SAMD12: variants seen among roughly 807,000 people sequenced by gnomAD.
SAMD12 encodes sterile alpha motif domain-containing protein 12.
SAMD12 carries 9 observed loss-of-function variants against 15.0 expected under a neutral mutation model. The observed-to-expected ratio is 0.60, with a 90% CI of 0.36 to 1.05. SAMD12 has a LOEUF of 1.05. Among genes scored for constraint, SAMD12 ranks in the 50% least tolerant of loss-of-function variants. The pLI is 0.01. For missense variants in SAMD12, 230 were observed against 234.2 expected, an observed-to-expected ratio of 0.98 and a Z score of 0.12; for synonymous variants, 86 against 90.1, an observed-to-expected ratio of 0.96 and a Z score of 0.25.
chr8:118,401,001 T>C (rs760178484), intron 3 of SAMD12, among the ~76,000 whole-genome samples: 1 of 152,248 alleles, frequency 6.6e-6, no homozygotes, highest in African/African-American at 2.4e-5. Context: ...CAGTGAAGAA[T>C]AGCTTCAAAA....
chr8:118,391,528 T>C (rs1820275056), intron 3 of SAMD12, among the ~76,000 whole-genome samples: 1 of 152,162 alleles, frequency 6.6e-6, no homozygotes, highest in Non-Finnish European at 1.5e-5. Context: ...TCATAACAAC[T>C]AAACACATAA....
chr8:118,313,595 G>A (rs879297504), intron 4 of SAMD12, among the ~76,000 whole-genome samples: 4 of 151,942 alleles, frequency 2.6e-5, no homozygotes, highest in Non-Finnish European at 4.4e-5. Context: ...GGGACCTTTC[G>A]GTATAGCAGA....
chr8:118,223,047 A>C (rs1812115559), intron 4 of SAMD12, among the ~76,000 whole-genome samples: 1 of 152,184 alleles, frequency 6.6e-6, no homozygotes, highest in Non-Finnish European at 1.5e-5. Flanking sequence ...AAATAGAAAA[A>C]TGTCTCTAAG....
At chr8:118,445,589 TG>T (rs908989025) in intron 2 of SAMD12, among the ~76,000 whole-genome samples, 2 of 152,178 alleles carry the variant, frequency 1.3e-5, no homozygotes, top group African/African-American at 2.4e-5. Context: ...ATAGTGCATT[TG>T]TGTTTAACTG....
intron 2 of SAMD12, among the ~76,000 whole-genome samples, chr8:118,548,424 C>CACA (rs1268509345): frequency 2.1e-5 from 3 of 141,662 alleles, no homozygotes; most frequent in African/African-American, 5.4e-5. Context: ...CACACACACA[C>CACA]CCCATGTGAT....
intron 2 of SAMD12, among the ~76,000 whole-genome samples, chr8:118,472,989 CCT>C (rs1162969020): frequency 6.6e-6 from 1 of 151,998 alleles, no homozygotes; most frequent in Non-Finnish European, 1.5e-5. Context: ...ATTTTTAGTC[CCT>C]CTCTGAGTCC....
At chr8:118,380,959 T>C (rs1819640953) in intron 3 of SAMD12, among the ~76,000 whole-genome samples, 1 of 152,226 alleles carries the variant, frequency 6.6e-6, no homozygotes, top group South Asian at 2.1e-4. Context: ...CCATCTTGAA[T>C]GCTGCTGATC....
chr8:118,179,081 C>T, the SAMD12 span, among the ~76,000 whole-genome samples: 1 of 152,122 alleles, frequency 6.6e-6, no homozygotes, highest in African/African-American at 2.4e-5. Context: ...GCAATGGATG[C>T]AAGCATTTGG....
At chr8:118,589,014 T>G (rs1050806979) in intron 1 of SAMD12, among the ~76,000 whole-genome samples, 4 of 152,120 alleles carry the variant, frequency 2.6e-5, no homozygotes, top group Non-Finnish European at 4.4e-5. Context: ...AATATAAATG[T>G]CCAGAAGGGT....
At chr8:118,174,069 C>T in the SAMD12 span, among the ~76,000 whole-genome samples, 1 of 152,130 alleles carries the variant, frequency 6.6e-6, no homozygotes, top group African/African-American at 2.4e-5. Context: ...CTTGGTCCTG[C>T]CAGTTAAAAG....
chr8:118,149,253 C>A, the SAMD12 span, among the ~76,000 whole-genome samples: 5 of 152,168 alleles, frequency 3.3e-5, no homozygotes, highest in Non-Finnish European at 7.3e-5. Context: ...AGGCATGAGC[C>A]CATTAGCAGT....
Position 118,621,921 on chromosome 8 carries a change from A to G in SAMD12, c.-105T>C. ...GCTTTCGCCTAAATATTCTGCGCTT[A>G]TCTGCTCCAGGACCAACCTGCCGCG... On this transcript the variant is annotated 5_prime_UTR_variant, in exon 1 of 4. Transcript: ENST00000314727. 7.3e-7 allele frequency: 1 copy of G among 1,366,340 alleles called. No individual in the cohort carries two copies. Among genetic ancestry groups the G allele is most frequent in the Non-Finnish European group, 1.0e-6 (1 of 954,982 alleles). The allele number at this position is 1,366,340 out of a possible 1,614,324, so 84.6% of individuals were successfully genotyped here.
chr8:118,522,135 T>C (rs906666630), intron 2 of SAMD12, among the ~76,000 whole-genome samples: 3 of 149,974 alleles, frequency 2.0e-5, no homozygotes, highest in Non-Finnish European at 4.4e-5. Context: ...GTGGTGACAG[T>C]TAACAACTAC....
chr8:118,327,188 G>A (rs1204009920), intron 4 of SAMD12, among the ~76,000 whole-genome samples: 3 of 152,150 alleles, frequency 2.0e-5, no homozygotes, highest in Non-Finnish European at 4.4e-5. Context: ...GTGTGTGTGT[G>A]TTTTTTAAAC....
chr8:118,273,173 A>G (rs1443044699), intron 4 of SAMD12, among the ~76,000 whole-genome samples: 2 of 152,196 alleles, frequency 1.3e-5, no homozygotes, highest in East Asian at 1.9e-4. Context: ...GAAACTTACA[A>G]TCATAGAAGA....
intron 2 of SAMD12, among the ~76,000 whole-genome samples, chr8:118,467,989 A>G (rs1217053644): frequency 6.6e-6 from 1 of 152,194 alleles, no homozygotes; most frequent in African/African-American, 2.4e-5. Flanking sequence ...CCAATGGGAG[A>G]TTGAAATCTG....
intron 2 of SAMD12, among the ~76,000 whole-genome samples, chr8:118,485,528 A>C (rs1399387684): frequency 2.0e-5 from 3 of 152,188 alleles, no homozygotes; most frequent in South Asian, 4.1e-4. Flanking sequence ...TCTTTCTATA[A>C]ACTTCATTCT....
intron 2 of SAMD12, among the ~76,000 whole-genome samples, chr8:118,488,788 T>C (rs959702188): frequency 6.6e-6 from 1 of 152,222 alleles, no homozygotes; most frequent in Admixed American, 6.5e-5. Flanking sequence ...TTCTAGTTTG[T>C]AGGTATTTTG....
rs185033659 is a variant in SAMD12, at chr8:118,269,261, T to C, written c.434-71529A>G. ...GTGTGTGTGTGTGTGTGTGTGTGTG[T>C]AAGCAGGAAACAAATGTAGAAGTGT... On this transcript the variant is annotated intron_variant, in intron 4 of 4. Transcript: ENST00000409003. 4.1e-4 allele frequency among the ~76,000 whole-genome samples: 56 copies of C among 135,104 alleles called. No homozygotes were observed. In the East Asian group the frequency reaches 0.011, roughly 28 times the overall value. 88.6% of individuals were successfully genotyped at this position (135,104 alleles called of 152,430 possible). A position where few individuals can be genotyped will look rare whatever the true frequency, so the allele number is the denominator to read the frequency against.
Sources: gnomAD v4.1 joint callset for allele counts (sites outside exome capture counted in the v4.1 genomes callset) on GRCh38, gnomAD v4.1.1 for gene constraint, MANE v1.5 for transcripts, NCBI Gene and HGNC (gene_info 2026-07-23, HGNC 2026-07-21) for gene names.